Variants in CNTNAP2 observed in about 807,000 individuals in gnomAD.
The protein encoded by CNTNAP2 is contactin associated protein 2.
In CNTNAP2, 98 loss-of-function variants were observed where a neutral mutation model predicts 155.2. The ratio of observed to expected loss-of-function variants is 0.63; its 90% CI spans 0.54 to 0.75. The LOEUF (loss-of-function observed/expected upper bound fraction) is 0.75. Ranked by LOEUF, CNTNAP2 falls within the 30% of genes least tolerant of loss-of-function variation. The pLI is 0.00. For synonymous variants in CNTNAP2, 651 were observed against 631.2 expected (o/e 1.03, Z -0.47); for missense variants, 1,727 against 1,688.1 (o/e 1.02, Z -0.40).
chr7:147,167,385 C>T (rs966091757), intron 8 of CNTNAP2: 19 of 1,220,264 alleles, frequency 1.6e-5, no homozygotes, highest in African/African-American at 7.7e-5. Flanking sequence ...TTCTGCCAAA[C>T]GTTACTACAA....
chr7:146,136,505 C>A (rs968667839), intron 1 of CNTNAP2, among the ~76,000 whole-genome samples: 8 of 152,096 alleles, frequency 5.3e-5, no homozygotes, highest in African/African-American at 1.9e-4. Flanking sequence ...GTAGAGCACA[C>A]CTGCTCTAAG....
chr7:147,237,247 ATT>A (rs1376206821), intron 8 of CNTNAP2, among the ~76,000 whole-genome samples: 1 of 151,424 alleles, frequency 6.6e-6, no homozygotes, highest in Non-Finnish European at 1.5e-5. Context: ...TATTTATTTT[ATT>A]TTAAGTAGAG....
intron 1 of CNTNAP2, among the ~76,000 whole-genome samples, chr7:146,278,402 A>C (rs1481560679): frequency 6.6e-6 from 1 of 152,220 alleles, no homozygotes; most frequent in African/African-American, 2.4e-5. Context: ...AAGATGATGA[A>C]TAAAGAATAC....
intron 1 of CNTNAP2, among the ~76,000 whole-genome samples, chr7:146,451,458 C>T (rs1796479653): frequency 6.6e-6 from 1 of 152,148 alleles, no homozygotes; most frequent in African/African-American, 2.4e-5. Context: ...CCACAGCCTA[C>T]ACTCTTGACA....
intron 13 of CNTNAP2, among the ~76,000 whole-genome samples, chr7:147,690,549 A>G (rs997181827): frequency 1.3e-5 from 2 of 152,032 alleles, no homozygotes; most frequent in Admixed American, 6.6e-5. Context: ...GTAACAAAAA[A>G]GGTATCCACA....
chr7:146,559,859 AT>A (rs1176337073), intron 1 of CNTNAP2, among the ~76,000 whole-genome samples: 2 of 147,366 alleles, frequency 1.4e-5, no homozygotes, highest in East Asian at 2.0e-4. Context: ...TACAAAAAAA[AT>A]GACACAATTA....
At chr7:147,453,368 A>C (rs1797865562) in intron 10 of CNTNAP2, among the ~76,000 whole-genome samples, 1 of 152,104 alleles carries the variant, frequency 6.6e-6, no homozygotes, top group Non-Finnish European at 1.5e-5. Flanking sequence ...AGTTACCATT[A>C]GATACTTTTC....
chr7:147,682,630 T>C (rs551986665), intron 13 of CNTNAP2, among the ~76,000 whole-genome samples: 6 of 151,970 alleles, frequency 3.9e-5, no homozygotes, highest in East Asian at 1.9e-4. Flanking sequence ...ACAGCAATTA[T>C]TGGGACTCTT....
intron 8 of CNTNAP2, among the ~76,000 whole-genome samples, chr7:147,177,804 C>T (rs1014405280): frequency 2.0e-5 from 3 of 152,186 alleles, no homozygotes; most frequent in Non-Finnish European, 2.9e-5. Flanking sequence ...GGCTAATTCA[C>T]GTAACTCTTA....
intron 12 of CNTNAP2, 59 bp from the exon 13 acceptor site, chr7:147,639,047 A>G (rs112116279): frequency 9.1e-6 from 14 of 1,534,264 alleles, no homozygotes; most frequent in African/African-American, 4.1e-5. Flanking sequence ...ATTTTCTGAC[A>G]TTTGGAGAAG....
chr7:147,596,034 C>A (rs929418857), intron 12 of CNTNAP2, among the ~76,000 whole-genome samples: 1 of 152,186 alleles, frequency 6.6e-6, no homozygotes, highest in African/African-American at 2.4e-5. Flanking sequence ...CTTCATGCTG[C>A]AGCTCCAACA....
intron 1 of CNTNAP2, among the ~76,000 whole-genome samples, chr7:146,210,919 C>A (rs571052502): frequency 6.6e-6 from 1 of 151,460 alleles, no homozygotes; most frequent in South Asian, 2.1e-4. Flanking sequence ...AGGTAAGAGG[C>A]CTAAATAATT....
chr7:147,133,130 T>C (rs1033322915), intron 8 of CNTNAP2, among the ~76,000 whole-genome samples: 5 of 152,120 alleles, frequency 3.3e-5, no homozygotes, highest in African/African-American at 4.8e-5. Context: ...TTAGGTAATA[T>C]TCTTGTTATT....
At chr7:148,101,915 G>T (rs1212824109) in intron 15 of CNTNAP2, among the ~76,000 whole-genome samples, 1 of 152,120 alleles carries the variant, frequency 6.6e-6, no homozygotes, top group Non-Finnish European at 1.5e-5. Flanking sequence ...TTCTGAACAT[G>T]CAGTCTTCCC....
At chr7:148,412,801 T>C (rs1799872697) in intron 23 of CNTNAP2, among the ~76,000 whole-genome samples, 1 of 152,222 alleles carries the variant, frequency 6.6e-6, no homozygotes, top group Admixed American at 6.5e-5. Context: ...TCTTTCACTA[T>C]GAAATAGGAT....
intron 1 of CNTNAP2, among the ~76,000 whole-genome samples, chr7:146,584,140 T>C (rs923681861): frequency 1.3e-5 from 2 of 152,208 alleles, no homozygotes; most frequent in Admixed American, 6.5e-5. Context: ...AATAATTTGT[T>C]AAATGTTATT....
intron 14 of CNTNAP2, among the ~76,000 whole-genome samples, chr7:147,950,202 T>C (rs1800900923): frequency 6.6e-6 from 1 of 151,808 alleles, no homozygotes; most frequent in African/African-American, 2.4e-5. Flanking sequence ...GGAATTGACT[T>C]TGCAAGCTGA....
intron 11 of CNTNAP2, among the ~76,000 whole-genome samples, chr7:147,491,330 C>T (rs1156950992): frequency 6.6e-6 from 1 of 152,084 alleles, no homozygotes; most frequent in Non-Finnish European, 1.5e-5. Flanking sequence ...CCCCCCACCA[C>T]AGGACATTTG....
At chr7:148,106,493 G>GAGATATATATATATATATATAT (rs1554472856) in intron 15 of CNTNAP2, among the ~76,000 whole-genome samples, 8 of 124,926 alleles carry the variant, frequency 6.4e-5, no homozygotes, top group African/African-American at 2.4e-4. Context: ...CACACTTTGA[G>GAGATATATATATATATATATAT]ATATATATAT....
Sources: gnomAD v4.1 joint callset for allele counts (sites outside exome capture counted in the v4.1 genomes callset) on GRCh38, gnomAD v4.1.1 for gene constraint, MANE v1.5 for transcripts, NCBI Gene and HGNC (gene_info 2026-07-23, HGNC 2026-07-21) for gene names.